Variants in MCC observed in about 807,000 individuals in gnomAD.
MCC encodes the protein MCC regulator of Wnt signaling pathway, also known as colorectal mutant cancer protein.
MCC carries 90 observed loss-of-function variants against 116.2 expected under a neutral mutation model. That is an observed-to-expected ratio of 0.77 (90% confidence interval 0.65 to 0.92). The LOEUF (loss-of-function observed/expected upper bound fraction) is 0.92. MCC is among the 40% of genes least tolerant of loss of function. The pLI is 0.00. For missense variants in MCC, 1,516 were observed against 1,312.2 expected (o/e 1.16, Z -2.40); for synonymous variants, 578 against 510.5 (o/e 1.13, Z -1.78).
In MCC at chr5:113,376,769, CT is replaced by C. The variant is rs201353661; in HGVS notation, c.415+8198del. On this transcript the variant is annotated intron_variant, in intron 2 of 18. Transcript: ENST00000408903. ...ACAGCACCTTGATTCCCTACCTGCT[CT>C]TTCCTCAGCTCTTAGTCCACAAGAT... Among the ~76,000 whole-genome samples, 7 of 152,284 alleles carry C rather than the reference CT, an allele frequency of 4.6e-5. 1 individual carries two copies. In the East Asian group the frequency reaches 1.3e-3, roughly 29 times the overall value.
At chr5:113,224,085 GT>G (rs1763646414) in intron 3 of MCC, among the ~76,000 whole-genome samples, 1 of 152,170 alleles carries the variant, frequency 6.6e-6, no homozygotes, top group African/African-American at 2.4e-5. Context: ...TTGTTATATA[GT>G]TTTTGTTTTG....
At chr5:113,191,483 C>A (rs553408515) in intron 3 of MCC, among the ~76,000 whole-genome samples, 4 of 152,198 alleles carry the variant, frequency 2.6e-5, no homozygotes, top group Admixed American at 1.3e-4. Flanking sequence ...CACCTAGAAG[C>A]CTTCCTGCTG....
chr5:113,333,828 T>TACATATGTACATATGTACATATATAC (rs71687516), intron 3 of MCC, among the ~76,000 whole-genome samples: 1 of 12,274 alleles, frequency 8.1e-5, no homozygotes, highest in African/African-American at 1.2e-4. Flanking sequence ...TACATATATG[T>TACATATGTACATATGTACATATATAC]ATATATGTAT....
intron 13 of MCC, 118 bp from the exon 14 acceptor site, chr5:113,064,285 T>A (rs1753438538): frequency 1.1e-6 from 1 of 897,758 alleles, no homozygotes; most frequent in East Asian, 2.6e-5. Flanking sequence ...TGGAAGGGAA[T>A]TGGCAGTGCC....
chr5:113,152,414 C>G (rs1243679161), intron 3 of MCC, among the ~76,000 whole-genome samples: 2 of 152,198 alleles, frequency 1.3e-5, no homozygotes, highest in African/African-American at 2.4e-5. Flanking sequence ...TCAGACCATC[C>G]CCTCACTGAA....
chr5:113,434,713 T>A lies in MCC; in HGVS notation c.171-49501A>T. The A allele has an allele frequency of 6.2e-7, 1 of 1,614,100 alleles. No individual in the cohort carries two copies. Among genetic ancestry groups the A allele is most frequent in the Non-Finnish European group, 8.5e-7 (1 of 1,179,948 alleles). ...TCTGCGGGGGCCTTCTTGCGGTCGA[T>A]GATCTTGATCGCCACATTGAACTTC... On this transcript the variant is annotated intron_variant, in intron 1 of 18. Coordinates refer to ENST00000408903, the MANE Select transcript of MCC (RefSeq NM_001085377.2). This position sits in a 1 kb window ranked among gnomAD's most constrained non-coding sequence, Gnocchi z 4.2.
chr5:113,400,602 T>C (rs920793620), intron 1 of MCC, among the ~76,000 whole-genome samples: 2 of 152,200 alleles, frequency 1.3e-5, no homozygotes, highest in Non-Finnish European at 2.9e-5. Flanking sequence ...TCTCTGCCAT[T>C]CTTGGGGAAA....
At position 113,434,352 on chromosome 5, in the gene MCC, C is replaced by G; in HGVS notation, c.171-49140G>C. ...TAATGCCATTCGACCACTGTCATCC[C>G]GCAGGCAGCGCTTGGAGAAGCTGAA... On this transcript the variant is annotated intron_variant, in intron 1 of 18. Transcript: ENST00000408903. This position sits in a 1 kb window ranked among gnomAD's most constrained non-coding sequence, Gnocchi z 4.2. The G allele has an allele frequency of 6.2e-7, 1 of 1,613,676 alleles. No individual in the cohort carries two copies. Among genetic ancestry groups the G allele is most frequent in the East Asian group, 2.2e-5 (1 of 44,842 alleles).
intron 1 of MCC, among the ~76,000 whole-genome samples, chr5:113,482,580 T>C (rs1772408372): frequency 6.6e-6 from 1 of 152,210 alleles, no homozygotes; most frequent in African/African-American, 2.4e-5. Flanking sequence ...TCTATTCAGA[T>C]CCTTTGTCCA....
At chr5:113,123,466 T>G (rs889374194) in intron 5 of MCC, among the ~76,000 whole-genome samples, 3 of 152,204 alleles carry the variant, frequency 2.0e-5, no homozygotes, top group African/African-American at 7.2e-5. Context: ...AGAACACCAT[T>G]CAATGGTCTA....
intron 3 of MCC, among the ~76,000 whole-genome samples, chr5:113,271,121 A>G (rs924049059): frequency 6.6e-6 from 1 of 152,236 alleles, no homozygotes; most frequent in Non-Finnish European, 1.5e-5. Flanking sequence ...ATAGCAGGAA[A>G]TATACTTATC....
At position 113,249,890 on chromosome 5, in the gene MCC, C is replaced by T. The variant is rs146473808; in HGVS notation, c.627+90629G>A. On this transcript the variant is annotated intron_variant, in intron 3 of 18. Transcript: ENST00000408903. The stretch of plus-strand genomic sequence containing the variant: ...GGTTTTACCATCTACTTAACTAATT[C>T]TCTGTGACTCTAAGATTTGCCATGT... Among the ~76,000 whole-genome samples the T allele has an allele frequency of 9.6e-4, 146 of 152,296 alleles. 5 individuals carry two copies. In the East Asian group the frequency reaches 0.024, roughly 25 times the overall value.
At chr5:113,090,816 A>G (rs1755574723) in intron 8 of MCC, among the ~76,000 whole-genome samples, 1 of 152,264 alleles carries the variant, frequency 6.6e-6, no homozygotes, top group South Asian at 2.1e-4. Context: ...AGGTGCTCCT[A>G]TTAAAAATGC....
chr5:113,111,287 T>C (rs1382346513), intron 6 of MCC, among the ~76,000 whole-genome samples: 5 of 152,166 alleles, frequency 3.3e-5, no homozygotes, highest in Admixed American at 1.3e-4. Flanking sequence ...CCCCTCCCCA[T>C]GGCTGTGTGG....
chr5:113,472,208 C>T (rs920879274), intron 1 of MCC, among the ~76,000 whole-genome samples: 41 of 152,274 alleles, frequency 2.7e-4, no homozygotes, highest in African/African-American at 9.6e-4. Flanking sequence ...GAGATGAACC[C>T]GGTACCTCAG....
chr5:113,395,422 C>T (rs370140826), intron 1 of MCC, among the ~76,000 whole-genome samples: 47 of 152,268 alleles, frequency 3.1e-4, no homozygotes, highest in African/African-American at 9.9e-4. Flanking sequence ...GCTGCCTTTC[C>T]TTTTGTTCCA....
intron 3 of MCC, among the ~76,000 whole-genome samples, chr5:113,185,573 C>T (rs1761860835): frequency 6.6e-6 from 1 of 152,162 alleles, no homozygotes; most frequent in African/African-American, 2.4e-5. Context: ...CAAGAACTGA[C>T]AGCTGACAAA....
At chr5:113,440,286 T>A (rs1472403106) in intron 1 of MCC, among the ~76,000 whole-genome samples, 1 of 151,848 alleles carries the variant, frequency 6.6e-6, no homozygotes, top group Non-Finnish European at 1.5e-5. Flanking sequence ...TAGAAAAAAG[T>A]AGACGTTCCT....
In MCC at chr5:113,488,372, TGCTGGAGCTCCCCGCA is replaced by T. The variant is rs766883122; in HGVS notation, c.27_42del (p.Gly11AlafsTer46). 3.9e-6 allele frequency: 5 copies of T among 1,292,930 alleles called. No homozygotes were observed. The highest frequency in any genetic ancestry group is 3.0e-5 in the African/African-American group (2 of 67,760). 80.1% of individuals were successfully genotyped at this position (1,292,930 alleles called of 1,614,324 possible). A position where few individuals can be genotyped will look rare whatever the true frequency, so the allele number is the denominator to read the frequency against. On this transcript the variant is annotated frameshift_variant, in exon 1 of 19. Coordinates refer to ENST00000408903, the MANE Select transcript of MCC (RefSeq NM_001085377.2). LOFTEE classifies it high-confidence loss of function. ...CCGCTGCCGCCGCCGCCGCCGCCGC[TGCTGGAGCTCCCCGCA>T]GCCGCTGCCGCCGCGGCCGCCATCA... is the stretch of plus-strand genomic sequence containing the variant.
Sources: allele counts gnomAD v4.1 joint callset (sites outside exome capture counted in the v4.1 genomes callset), GRCh38; gene constraint gnomAD v4.1.1; non-coding constraint Gnocchi (gnomAD v3.1); transcripts MANE v1.5; gene names NCBI Gene and HGNC (gene_info 2026-07-23, HGNC 2026-07-21).